Variants in PDE8B observed in about 807,000 individuals in gnomAD.
The protein encoded by PDE8B is phosphodiesterase 8B, also known as high affinity cAMP-specific and IBMX-insensitive 3',5'-cyclic phosphodiesterase 8B.
Under a neutral mutation model 101.3 loss-of-function variants are expected in PDE8B, and 26 were observed. The observed-to-expected ratio is 0.26, with a 90% CI of 0.19 to 0.36. PDE8B has a LOEUF of 0.36. Ranked by LOEUF, PDE8B falls within the 10% of genes least tolerant of loss-of-function variation. The probability of loss-of-function intolerance (pLI) is 1.00; values close to 1 mark genes in which losing one functional copy is unlikely to be tolerated. For synonymous variants in PDE8B, 424 were observed against 429.3 expected (o/e 0.99, Z 0.15); for missense variants, 810 against 1,163.1 (o/e 0.70, Z 4.42).
At chr5:77,411,366 C>T (rs1794531868) in intron 14 of PDE8B, among the ~76,000 whole-genome samples, 1 of 152,200 alleles carries the variant, frequency 6.6e-6, no homozygotes, top group Non-Finnish European at 1.5e-5. Context: ...GTGATTTCAC[C>T]TGTGTAGCTT....
At chr5:77,412,466 C>G (rs978209144) in intron 16 of PDE8B, among the ~76,000 whole-genome samples, 1 of 152,116 alleles carries the variant, frequency 6.6e-6, no homozygotes, top group Middle Eastern at 3.2e-3. Context: ...CCACAGCTCC[C>G]TCCTTTGTGC....
rs1040860736 is a variant in PDE8B, at chr5:77,261,433, A to G, written c.339+50169A>G. ...AAGATGAAATTAAACATTGCTTGAC[A>G]GCAGTTGAAGATTGGCAAGACTATG... On this transcript the variant is annotated intron_variant, in intron 1 of 21. Coordinates refer to ENST00000264917, the MANE Select transcript of PDE8B (RefSeq NM_003719.5). Among the ~76,000 whole-genome samples, 5 of 152,256 alleles carry G rather than the reference A, an allele frequency of 3.3e-5. No homozygotes were observed. In the South Asian group the frequency reaches 1.0e-3, roughly 31 times the overall value.
At chr5:77,351,360 C>T (rs1300765140) in intron 9 of PDE8B, among the ~76,000 whole-genome samples, 1 of 152,186 alleles carries the variant, frequency 6.6e-6, no homozygotes, top group Non-Finnish European at 1.5e-5. Flanking sequence ...TCACCCCAAC[C>T]TCCCACCTCC....
intron 11 of PDE8B, 36 bp from the exon 12 acceptor site, chr5:77,404,684 A>G (rs752827776): frequency 1.6e-6 from 2 of 1,223,720 alleles, no homozygotes; most frequent in Non-Finnish European, 2.4e-6. Context: ...TACACGGAAA[A>G]CTAATCACCT....
the PDE8B span, among the ~76,000 whole-genome samples, chr5:77,102,566 A>G: frequency 6.6e-6 from 1 of 152,186 alleles, no homozygotes; most frequent in African/African-American, 2.4e-5. Flanking sequence ...TTATTTATCA[A>G]TGGCAGCTGA....
the PDE8B span, chr5:77,119,404 A>T: frequency 6.6e-6 from 1 of 152,210 alleles, no homozygotes; most frequent in African/African-American, 2.4e-5. Flanking sequence ...CACGCCTGTA[A>T]TCCCAGCACT....
chr5:77,291,503 T>G, intron 1 of PDE8B: 2 of 1,609,348 alleles, frequency 1.2e-6, no homozygotes, highest in Non-Finnish European at 1.7e-6. Context: ...AATTCAAGAA[T>G]GAAGAAGAGG....
Position 77,337,317 on chromosome 5 carries a change from T to G in PDE8B, c.797+2T>G. The G allele has an allele frequency of 6.8e-7, 1 of 1,470,708 alleles. No individual in the cohort carries two copies. Among genetic ancestry groups the G allele is most frequent in the Non-Finnish European group, 9.5e-7 (1 of 1,052,198 alleles). The allele number at this position is 1,470,708 out of a possible 1,614,324, so 91.1% of individuals were successfully genotyped here. On this transcript the variant is annotated splice_donor_variant, in intron 6 of 21. Coordinates refer to ENST00000264917, the MANE Select transcript of PDE8B (RefSeq NM_003719.5). LOFTEE classifies it high-confidence loss of function. ...AGTTCGCTCCCAGTTCAAATTACGG[T>G]ATGTAGCAAAATGATACAGTAACAT...
At chr5:77,374,373 T>C (rs182311114) in intron 10 of PDE8B, among the ~76,000 whole-genome samples, 99 of 152,342 alleles carry the variant, frequency 6.5e-4, no homozygotes, top group African/African-American at 2.3e-3. Flanking sequence ...AATGTAATTA[T>C]TGATATGGTT....
chr5:77,100,602 C>T, the PDE8B span, among the ~76,000 whole-genome samples: 1 of 152,190 alleles, frequency 6.6e-6, no homozygotes, highest in Admixed American at 6.5e-5. Flanking sequence ...ACCTGGGAGG[C>T]AACCCTTGTA....
chr5:77,181,133 G>A, the PDE8B span, among the ~76,000 whole-genome samples: 1 of 145,858 alleles, frequency 6.9e-6, no homozygotes, highest in African/African-American at 2.5e-5. Flanking sequence ...TAAGTTCTAG[G>A]GACAACGCTA....
chr5:77,134,026 A>T, the PDE8B span, among the ~76,000 whole-genome samples: 1 of 152,152 alleles, frequency 6.6e-6, no homozygotes, highest in Non-Finnish European at 1.5e-5. Context: ...CCTGGGGCCG[A>T]TCTGTAGTCA....
rs886060755 is a variant in PDE8B at position 77,211,081 on chromosome 5, C to T, written c.156C>T (p.Ala52=). Residue 52 remains alanine (A), a synonymous_variant, in exon 1 of 22, where the codon GCC becomes GCT. Transcript: ENST00000264917. This position sits in a 1 kb window ranked among gnomAD's most constrained non-coding sequence, Gnocchi z 4.1. ...TCGTCCAGACCGACGCCGCCGACGC[C>T]ATCCCCCCGAGCCGCGCGTCGGGAC... ...GLFVQTDAAD[A]IPPSRASGPP... 2.2e-5 allele frequency: 33 copies of T among 1,500,380 alleles called. No individual in the cohort carries two copies. In the Admixed American group the frequency reaches 5.4e-4, roughly 24 times the overall value. The allele number at this position is 1,500,380 out of a possible 1,614,324, so 92.9% of individuals were successfully genotyped here.
chr5:77,112,466 A>G, the PDE8B span: 2 of 152,128 alleles, frequency 1.3e-5, no homozygotes, highest in Admixed American at 1.3e-4. Context: ...CTGTCTGGGC[A>G]CCTAGTTATT....
At position 77,353,283 on chromosome 5, in the gene PDE8B, T is replaced by A. The variant is rs1581197906; in HGVS notation, c.1107-63T>A. ...GCTTTAAGAAGTCTGTTGACATTTT[T>A]ATTTGCTGATTTGTTGAATCATCTC... is the stretch of plus-strand genomic sequence containing the variant. On this transcript the variant is annotated intron_variant, in intron 9 of 21. Coordinates refer to ENST00000264917, the MANE Select transcript of PDE8B (RefSeq NM_003719.5). 3 of 924,284 alleles carry A rather than the reference T, an allele frequency of 3.2e-6. No individual in the cohort carries two copies. In the Admixed American group the frequency reaches 5.1e-5, roughly 16 times the overall value. The allele number at this position is 924,284 out of a possible 1,614,324, so 57.3% of individuals were successfully genotyped here.
chr5:77,316,837 G>A (rs778252613), intron 2 of PDE8B, among the ~76,000 whole-genome samples: 6 of 152,134 alleles, frequency 3.9e-5, no homozygotes, highest in Non-Finnish European at 8.8e-5. Context: ...CCAGTGCTAC[G>A]GTATACCCCA....
rs1453695208 is a variant in PDE8B, at chr5:77,299,238, G to GTTTT, written c.340-12752_340-12749dup. On this transcript the variant is annotated intron_variant, in intron 1 of 21. Transcript: ENST00000264917. ...CAGCAAGATTGGGAACATGAGAGTT[G>GTTTT]TTTTTTTGTTTGTTTGTTTGTTTGT... Among the ~76,000 whole-genome samples the GTTTT allele has an allele frequency of 5.3e-5, 7 of 131,840 alleles. No individual in the cohort carries two copies. In the East Asian group the frequency reaches 8.7e-4, roughly 16 times the overall value. The allele number at this position is 131,840 out of a possible 152,430, so 86.5% of individuals were successfully genotyped here.
chr5:77,337,420 T>C (rs1417762320), intron 6 of PDE8B, 105 bp downstream of exon 6: 4 of 733,800 alleles, frequency 5.5e-6, no homozygotes, highest in African/African-American at 5.2e-5. Context: ...CCCAGGGATT[T>C]TGAAGCTTTT....
chr5:77,180,467 G>A, the PDE8B span: 1 of 985,392 alleles, frequency 1.0e-6, no homozygotes, highest in East Asian at 1.1e-4. Context: ...CAGCTGTACT[G>A]CCCACCGAGC....
Sources: allele counts gnomAD v4.1 joint callset (sites outside exome capture counted in the v4.1 genomes callset), GRCh38; gene constraint gnomAD v4.1.1; non-coding constraint Gnocchi (gnomAD v3.1); transcripts MANE v1.5; gene names NCBI Gene and HGNC (gene_info 2026-07-23, HGNC 2026-07-21).